The following TSHZ3 variants were observed in gnomAD, a reference collection of about 807,000 sequenced individuals.
The protein encoded by TSHZ3 is teashirt zinc finger homeobox 3, also known as teashirt homolog 3.
Under a neutral mutation model 64.5 loss-of-function variants are expected in TSHZ3, and 10 were observed. That is an observed-to-expected ratio of 0.16 (90% CI 0.10 to 0.26). TSHZ3 has a LOEUF of 0.26. TSHZ3 is among the 10% of genes least tolerant of loss of function. TSHZ3 has a pLI of 1.00. For missense variants in TSHZ3, 1,242 were observed against 1,421.7 expected (o/e 0.87, Z 2.03); for synonymous variants, 608 against 593.1 (o/e 1.03, Z -0.36).
chr19:31,315,667 G>T (rs2145160211), intron 1 of TSHZ3, among the ~76,000 whole-genome samples: 1 of 152,352 alleles, frequency 6.6e-6, no homozygotes, highest in Admixed American at 6.5e-5. Context: ...GAAAGGTTTT[G>T]TGAAAAGAAA....
At chr19:31,327,854 T>C (rs556730190) in intron 1 of TSHZ3, among the ~76,000 whole-genome samples, 1 of 152,134 alleles carries the variant, frequency 6.6e-6, no homozygotes, top group African/African-American at 2.4e-5. Flanking sequence ...AATGAGAAAA[T>C]GAACTACGAT....
chr19:31,317,432 A>C (rs10404151), intron 1 of TSHZ3, among the ~76,000 whole-genome samples: 7 of 151,870 alleles, frequency 4.6e-5, no homozygotes, highest in Admixed American at 6.5e-5. Context: ...TGCACCATAC[A>C]ACCCAGGACC....
intron 4 of TSHZ3, among the ~76,000 whole-genome samples, chr19:31,210,269 T>C (rs1015200093): frequency 2.0e-5 from 3 of 152,118 alleles, no homozygotes; most frequent in Non-Finnish European, 2.9e-5. Context: ...GGAAATCTTA[T>C]AGTAATGTCA....
At chr19:31,310,715 A>G (rs1916434047) in intron 1 of TSHZ3, among the ~76,000 whole-genome samples, 1 of 152,204 alleles carries the variant, frequency 6.6e-6, no homozygotes, top group Non-Finnish European at 1.5e-5. Flanking sequence ...GCAGGACTTG[A>G]GCAAGCTACA....
At chr19:31,309,543 C>T (rs987518548) in intron 1 of TSHZ3, among the ~76,000 whole-genome samples, 4 of 152,182 alleles carry the variant, frequency 2.6e-5, no homozygotes, top group African/African-American at 9.7e-5. Flanking sequence ...TGGGAACCAT[C>T]AAGTCAGCAA....
chr19:31,182,876 G>A (rs1214349170), intron 5 of TSHZ3, among the ~76,000 whole-genome samples: 1 of 152,158 alleles, frequency 6.6e-6, no homozygotes, highest in Non-Finnish European at 1.5e-5. Context: ...ACAGTACACA[G>A]GTAACTGGTC....
chr19:31,232,843 G>A (rs1019433925), intron 3 of TSHZ3, among the ~76,000 whole-genome samples: 2 of 152,116 alleles, frequency 1.3e-5, no homozygotes, highest in Non-Finnish European at 2.9e-5. Context: ...TTCCTGTCCT[G>A]TTTCTTTCAC....
upstream of TSHZ3, among the ~76,000 whole-genome samples, chr19:31,350,429 G>A (rs1568390798): frequency 6.6e-6 from 1 of 151,652 alleles, no homozygotes. Flanking sequence ...TCGCCCCCGG[G>A]AGCCGGGCCG....
intron 1 of TSHZ3, among the ~76,000 whole-genome samples, chr19:31,269,437 A>G (rs1468974620): frequency 1.3e-5 from 2 of 151,618 alleles, no homozygotes; most frequent in Non-Finnish European, 2.9e-5. Flanking sequence ...AGACACACCT[A>G]TCTCATTCTC....
At chr19:31,323,603 C>T (rs1236475791) in intron 1 of TSHZ3, among the ~76,000 whole-genome samples, 1 of 152,120 alleles carries the variant, frequency 6.6e-6, no homozygotes, top group Non-Finnish European at 1.5e-5. Flanking sequence ...TTTACCTCTG[C>T]TCTCAGTGAT....
chr19:31,316,743 G>A (rs1170179521), intron 1 of TSHZ3, among the ~76,000 whole-genome samples: 1 of 152,080 alleles, frequency 6.6e-6, no homozygotes, highest in African/African-American at 2.4e-5. Flanking sequence ...TGGAAAAGTG[G>A]GAAAAGCAGA....
intron 5 of TSHZ3, among the ~76,000 whole-genome samples, chr19:31,190,488 A>G (rs192626947): frequency 5.6e-4 from 86 of 152,296 alleles, no homozygotes; most frequent in African/African-American, 1.9e-3. Context: ...AAAAGGAACA[A>G]CTTCTCTCCC....
In TSHZ3 at chr19:31,277,349, G is replaced by C. The variant is rs766793830; in HGVS notation, c.2444C>G (p.Pro815Arg). 6.2e-7 allele frequency: 1 copy of C among 1,613,948 alleles called. No homozygotes were observed. The highest frequency in any genetic ancestry group is 8.5e-7 in the Non-Finnish European group (1 of 1,179,810). Reference sequence around the variant, plus strand: ...TGTCACCGTGGATGAGGAGGTTGCCGGGGCTGTGGACGTGGGTGACAGAAG... The same window carrying C: ...TGTCACCGTGGATGAGGAGGTTGCCCGGGCTGTGGACGTGGGTGACAGAAG... The part of the protein sequence containing the change: ...SVLLSPTSTA[P>R]ATSSSTVTTA... Residue 815 changes from proline (P) to arginine (R), a missense_variant, in exon 2 of 2, where the codon CCG (proline) becomes CGG (arginine). Pro to Arg is a moderately radical substitution (Grantham distance 103). Coordinates refer to ENST00000240587, the MANE Select transcript of TSHZ3 (RefSeq NM_020856.4). This position sits in a 1 kb window ranked among gnomAD's most constrained non-coding sequence, Gnocchi z 4.5.
chr19:31,286,143 C>T (rs2145123892), intron 1 of TSHZ3, among the ~76,000 whole-genome samples: 1 of 152,272 alleles, frequency 6.6e-6, no homozygotes, highest in Admixed American at 6.5e-5. Context: ...TTTCCTTACC[C>T]CACCAATGAA....
At chr19:31,181,965 T>C (rs549119591) in intron 5 of TSHZ3, among the ~76,000 whole-genome samples, 5 of 152,162 alleles carry the variant, frequency 3.3e-5, no homozygotes, top group Non-Finnish European at 5.9e-5. Flanking sequence ...CCAGATCCTC[T>C]AGAGTCCGTG....
At position 31,200,516 on chromosome 19, in the gene TSHZ3, G is replaced by C. The variant is rs1347388178; in HGVS notation, n.809+4440C>G. On this transcript the variant is annotated intron_variant and non_coding_transcript_variant, in intron 5 of 6. Coordinates refer to the TSHZ3 transcript ENST00000651361. ...TGTGTAATTTCAACTCTGACATTCTGGAAAAGGCAAAATGATGGAGACAGT... is the reference window on the plus strand; with the variant it reads ...TGTGTAATTTCAACTCTGACATTCTCGAAAAGGCAAAATGATGGAGACAGT... Among the ~76,000 whole-genome samples the C allele has an allele frequency of 2.6e-5, 4 of 152,020 alleles. No homozygotes were observed. The East Asian group carries it at 5.8e-4, about 22-fold the overall frequency.
chr19:31,319,903 G>A (rs982170565), intron 1 of TSHZ3, among the ~76,000 whole-genome samples: 1 of 151,456 alleles, frequency 6.6e-6, no homozygotes, highest in Non-Finnish European at 1.5e-5. Flanking sequence ...AGTAGCAATC[G>A]GCCCTTCCTT....
chr19:31,273,252 C>T (rs1274421329), downstream of TSHZ3, among the ~76,000 whole-genome samples: 3 of 152,172 alleles, frequency 2.0e-5, no homozygotes, highest in African/African-American at 7.2e-5. Flanking sequence ...AGCCCTACTG[C>T]CCAATTCTGA....
intron 4 of TSHZ3, among the ~76,000 whole-genome samples, chr19:31,225,920 G>A (rs115920541): frequency 7.6e-4 from 115 of 152,136 alleles, no homozygotes; most frequent in African/African-American, 2.7e-3. Context: ...TGAGGACAGG[G>A]GTTTGAGACC....
Sources: gnomAD v4.1 joint callset for allele counts (sites outside exome capture counted in the v4.1 genomes callset) on GRCh38, gnomAD v4.1.1 for gene constraint, Gnocchi (gnomAD v3.1) non-coding constraint, MANE v1.5 for transcripts, NCBI Gene and HGNC (gene_info 2026-07-23, HGNC 2026-07-21) for gene names.